MALRD1: variants seen among roughly 807,000 people sequenced by gnomAD.
The protein encoded by MALRD1 is MAM and LDL-receptor class A domain-containing protein 1.
Under a neutral mutation model 242.1 loss-of-function variants are expected in MALRD1, and 247 were observed. The ratio of observed to expected loss-of-function variants is 1.02; its 90% CI spans 0.92 to 1.13. The LOEUF (loss-of-function observed/expected upper bound fraction) is 1.13, where lower values mean the gene tolerates loss of function less well. Ranked by LOEUF, MALRD1 falls within the 50% of genes most tolerant of loss-of-function variation. MALRD1 has a pLI of 0.00. For synonymous variants in MALRD1, 995 were observed against 866.6 expected, an observed-to-expected ratio of 1.15 and a Z score of -2.60; for missense variants, 2,989 against 2,533.1, an observed-to-expected ratio of 1.18 and a Z score of -3.86.
In MALRD1 at chr10:19,450,252, C is replaced by A. The variant is rs1835245288; in HGVS notation, c.4846-55C>A. On this transcript the variant is annotated intron_variant, in intron 28 of 39. Transcript: ENST00000454679. The stretch of plus-strand genomic sequence containing the variant: ...AATAACTGGGTTTTGCCCCACACTG[C>A]ATCATCTTCTTTTGTGTTTGATTAT... 1.2e-5 allele frequency: 18 copies of A among 1,448,472 alleles called. No individual in the cohort carries two copies. The South Asian group carries it at 2.3e-4, about 18-fold the overall frequency. 89.7% of individuals were successfully genotyped at this position (1,448,472 alleles called of 1,614,324 possible).
intron 18 of MALRD1, among the ~76,000 whole-genome samples, chr10:19,232,863 AT>A (rs1485171524): frequency 6.6e-6 from 1 of 152,064 alleles, no homozygotes; most frequent in Non-Finnish European, 1.5e-5. Flanking sequence ...ATAGAACAAA[AT>A]GGTTCAGGCA....
At chr10:19,712,725 A>C (rs1031250074) in intron 38 of MALRD1, among the ~76,000 whole-genome samples, 1 of 152,202 alleles carries the variant, frequency 6.6e-6, no homozygotes, top group Non-Finnish European at 1.5e-5. Flanking sequence ...ATATTTCCTT[A>C]TGATCAGAGA....
At position 19,429,393 on chromosome 10, in the gene MALRD1, A is replaced by G. The variant is rs1564332154; in HGVS notation, c.4846-20914A>G. Reference sequence around the variant, plus strand: ...AAGACCAGCCTGGTGGTGAAACCCCATCTCTACTAAAAATACAAAAATGAG... The same window carrying G: ...AAGACCAGCCTGGTGGTGAAACCCCGTCTCTACTAAAAATACAAAAATGAG... On this transcript the variant is annotated intron_variant, in intron 28 of 39. Coordinates refer to ENST00000454679, the MANE Select transcript of MALRD1 (RefSeq NM_001142308.3). Among the ~76,000 whole-genome samples, 3 of 151,854 alleles carry G rather than the reference A, an allele frequency of 2.0e-5. 1 individual carries two copies. Among genetic ancestry groups the G allele is most frequent in the Admixed American group, 2.0e-4 (3 of 15,242 alleles).
chr10:19,665,288 T>G (rs1841629031), intron 36 of MALRD1, among the ~76,000 whole-genome samples: 1 of 152,064 alleles, frequency 6.6e-6, no homozygotes, highest in Admixed American at 6.6e-5. Flanking sequence ...TTTGAGCTTC[T>G]GTGGTGGAAA....
At chr10:19,716,960 T>C (rs1251798787) in intron 38 of MALRD1, 1 of 152,146 alleles carries the variant, frequency 6.6e-6, no homozygotes, top group Non-Finnish European at 1.5e-5. Context: ...ATTTAAAGTA[T>C]GGGGAACTTG....
intron 24 of MALRD1, among the ~76,000 whole-genome samples, chr10:19,345,294 T>A (rs1844066171): frequency 6.6e-6 from 1 of 152,158 alleles, no homozygotes; most frequent in Non-Finnish European, 1.5e-5. Flanking sequence ...CACACATTAT[T>A]TTCTTGTACA....
intron 32 of MALRD1, among the ~76,000 whole-genome samples, chr10:19,550,360 A>G (rs1165995959): frequency 6.6e-6 from 1 of 152,160 alleles, no homozygotes; most frequent in Non-Finnish European, 1.5e-5. Context: ...TTTAATTGTA[A>G]GTTCAGGGGT....
intron 5 of MALRD1, among the ~76,000 whole-genome samples, chr10:19,115,428 CT>C (rs1034998056): frequency 1.1e-4 from 17 of 148,388 alleles, no homozygotes; most frequent in South Asian, 6.5e-4. Flanking sequence ...AAAATAAAAG[CT>C]TTTTTTTTTA....
chr10:19,646,903 G>A (rs540419204), intron 36 of MALRD1, among the ~76,000 whole-genome samples: 3 of 152,332 alleles, frequency 2.0e-5, no homozygotes, highest in East Asian at 1.9e-4. Context: ...TGCTGGAGGT[G>A]TAATCCTTAA....
chr10:19,710,530 G>A (rs1208023022), intron 38 of MALRD1: 1 of 151,480 alleles, frequency 6.6e-6, no homozygotes, highest in Admixed American at 6.6e-5. Context: ...ACACTTCTTT[G>A]GTGTGTATAC....
chr10:19,217,399 A>T (rs569860352), intron 18 of MALRD1, among the ~76,000 whole-genome samples: 138 of 150,416 alleles, frequency 9.2e-4, no homozygotes, highest in African/African-American at 3.2e-3. Flanking sequence ...ATACCTACTC[A>T]TTTTTTTCAG....
intron 17 of MALRD1, among the ~76,000 whole-genome samples, chr10:19,207,029 C>T (rs1320395203): frequency 6.6e-6 from 1 of 152,148 alleles, no homozygotes; most frequent in African/African-American, 2.4e-5. Flanking sequence ...TTCATTAGGT[C>T]TAAGCTCCTC....
intron 28 of MALRD1, among the ~76,000 whole-genome samples, chr10:19,428,761 G>C (rs142881888): frequency 2.0e-5 from 3 of 152,044 alleles, no homozygotes; most frequent in South Asian, 2.1e-4. Flanking sequence ...TAAAGTTTAC[G>C]TATAAGTTAA....
chr10:19,700,740 A>T (rs1833585235), intron 38 of MALRD1, among the ~76,000 whole-genome samples: 4 of 151,934 alleles, frequency 2.6e-5, no homozygotes, highest in Admixed American at 2.0e-4. Context: ...TTTTTTCCCT[A>T]TGACTGCCAA....
intron 38 of MALRD1, among the ~76,000 whole-genome samples, chr10:19,719,672 G>T (rs957040371): frequency 1.3e-5 from 2 of 152,124 alleles, no homozygotes; most frequent in African/African-American, 2.4e-5. Flanking sequence ...ATTTCTGGTT[G>T]TGTTTGCAAA....
chr10:19,538,940 TA>T (rs1834806633), intron 32 of MALRD1, among the ~76,000 whole-genome samples: 1 of 152,188 alleles, frequency 6.6e-6, no homozygotes, highest in Admixed American at 6.5e-5. Flanking sequence ...TTCTTAGGCC[TA>T]AATGAGTTTC....
rs1160865808 is a variant in MALRD1 at position 19,049,249 on chromosome 10, T to C, written c.199+112T>C. The C allele has an allele frequency of 4.3e-6, 3 of 702,250 alleles. No homozygotes were observed. In the East Asian group the frequency reaches 1.0e-4, roughly 24 times the overall value. 43.5% of individuals were successfully genotyped at this position (702,250 alleles called of 1,614,324 possible). On this transcript the variant is annotated intron_variant, in intron 1 of 39. Transcript: ENST00000454679. ...TACTTGGCTCTGTATGCATTGTATC[T>C]TGTATACCTTTAGTGTAGATCAGAA...
At chr10:19,335,245 G>A (rs1843556495) in intron 24 of MALRD1, among the ~76,000 whole-genome samples, 1 of 148,170 alleles carries the variant, frequency 6.7e-6, no homozygotes, top group South Asian at 2.1e-4. Flanking sequence ...TAATATTAGA[G>A]CAACAAAGCT....
rs1277488645 is a variant in MALRD1, at chr10:19,205,094, G to T, written c.2407G>T (p.Val803Phe). ...DKVSLGIYDG[V>F]SAIDDIRFEN... is the part of the protein sequence containing the mutation. ...AGTCAGTCTGGGCATTTATGATGGG[G>T]TCTCAGCTATTGATGACATCCGATT... The change falls in exon 17 of 40, where the codon GTC becomes TTC. Residue 803 changes from valine (V) to phenylalanine (F), a missense_variant. By Grantham distance (50) the Val-to-Phe change is conservative (BLOSUM62 -1). Coordinates refer to ENST00000454679, the MANE Select transcript of MALRD1 (RefSeq NM_001142308.3). The T allele has an allele frequency of 6.4e-7, 1 of 1,550,558 alleles. No homozygotes were observed. The highest frequency in any genetic ancestry group is 1.4e-5 in the African/African-American group (1 of 73,004).
Sources: gnomAD v4.1 joint callset for allele counts (sites outside exome capture counted in the v4.1 genomes callset) on GRCh38, gnomAD v4.1.1 for gene constraint, MANE v1.5 for transcripts, NCBI Gene and HGNC (gene_info 2026-07-23, HGNC 2026-07-21) for gene names.